F13A1: variants seen among roughly 807,000 people sequenced by gnomAD.
The protein encoded by F13A1 is FSF, A subunit.
In F13A1, 47 loss-of-function variants were observed where a neutral mutation model predicts 80.1. That is an observed-to-expected ratio of 0.59 (90% CI 0.46 to 0.75). The LOEUF (loss-of-function observed/expected upper bound fraction) is 0.75. Ranked by LOEUF, F13A1 falls within the 30% of genes least tolerant of loss-of-function variation. F13A1 has a pLI of 0.00. For missense variants in F13A1, 817 were observed against 930.4 expected, an observed-to-expected ratio of 0.88 and a Z score of 1.59; for synonymous variants, 349 against 344.9, an observed-to-expected ratio of 1.01 and a Z score of -0.13.
At chr6:6,212,031 C>T (rs146820319) in intron 8 of F13A1, among the ~76,000 whole-genome samples, 19,156 of 152,240 alleles carry the variant, frequency 0.13, 1,615 homozygotes, top group Non-Finnish European at 0.19. Flanking sequence ...GGGTCCTATG[C>T]CCACGGAGTC....
chr6:6,171,171 T>C (rs1254027154), intron 12 of F13A1, among the ~76,000 whole-genome samples: 1 of 152,206 alleles, frequency 6.6e-6, no homozygotes, highest in Non-Finnish European at 1.5e-5. Context: ...TAAGGATCTG[T>C]GCTAGACTCC....
At chr6:6,211,269 A>G (rs1391932602) in intron 8 of F13A1, among the ~76,000 whole-genome samples, 1 of 152,238 alleles carries the variant, frequency 6.6e-6, no homozygotes, top group Admixed American at 6.5e-5. Context: ...GAAGGTGGCA[A>G]ATAATGTTTT....
At chr6:6,240,021 C>T (rs1205226829) in intron 6 of F13A1, among the ~76,000 whole-genome samples, 1 of 152,010 alleles carries the variant, frequency 6.6e-6, no homozygotes, top group Non-Finnish European at 1.5e-5. Context: ...GGATGCTGGC[C>T]CCAGGAGACC....
chr6:6,174,326 G>A (rs1760835474), intron 12 of F13A1, among the ~76,000 whole-genome samples: 1 of 152,226 alleles, frequency 6.6e-6, no homozygotes, highest in East Asian at 1.9e-4. Context: ...GGAGGCAAAG[G>A]TTGCAGTGAA....
Position 6,266,476 on chromosome 6 carries a change from AGCT to A in F13A1, c.571+79_571+81del. On this transcript the variant is annotated intron_variant, in intron 4 of 14. Coordinates refer to ENST00000264870, the MANE Select transcript of F13A1 (RefSeq NM_000129.4). ...ATCCTCCCATCTTGGCCTCCCAAAG[AGCT>A]GGGAGTATAGGCATGTGCCATGGCA... 1.9e-6 allele frequency: 3 copies of A among 1,602,554 alleles called. No individual in the cohort carries two copies. The Admixed American group carries it at 5.0e-5, about 27-fold the overall frequency.
chr6:6,186,311 G>C (rs1470134640), intron 10 of F13A1, among the ~76,000 whole-genome samples: 1 of 152,010 alleles, frequency 6.6e-6, no homozygotes, highest in Non-Finnish European at 1.5e-5. Flanking sequence ...CCTATGTCCT[G>C]AATGGTAATG....
At chr6:6,224,067 G>C (rs1457396041) in intron 7 of F13A1, among the ~76,000 whole-genome samples, 1 of 152,174 alleles carries the variant, frequency 6.6e-6, no homozygotes, top group Non-Finnish European at 1.5e-5. Flanking sequence ...GTTCTCATAT[G>C]CTTTCCTCTA....
At chr6:6,147,798 A>G (rs1760311963) in intron 14 of F13A1, among the ~76,000 whole-genome samples, 2 of 152,270 alleles carry the variant, frequency 1.3e-5, no homozygotes, top group Admixed American at 1.3e-4. Flanking sequence ...ATACATGAAG[A>G]TACGTATGCA....
chr6:6,289,452 G>A (rs530351972), intron 3 of F13A1, among the ~76,000 whole-genome samples: 78 of 144,472 alleles, frequency 5.4e-4, no homozygotes, highest in African/African-American at 1.7e-3. Flanking sequence ...ACACACACAC[G>A]CACACACACA....
chr6:6,278,646 G>C (rs774661927), intron 3 of F13A1, among the ~76,000 whole-genome samples: 1 of 151,782 alleles, frequency 6.6e-6, no homozygotes, highest in Non-Finnish European at 1.5e-5. Context: ...GGGAGATGAG[G>C]TGCCTGAACA....
chr6:6,212,347 G>T (rs913966122), intron 8 of F13A1, among the ~76,000 whole-genome samples: 2 of 151,608 alleles, frequency 1.3e-5, no homozygotes, highest in African/African-American at 4.8e-5. Flanking sequence ...GGGGCAGACT[G>T]CCTCCTCAAG....
At chr6:6,169,667 G>T (rs997859295) in intron 12 of F13A1, among the ~76,000 whole-genome samples, 6 of 152,282 alleles carry the variant, frequency 3.9e-5, no homozygotes, top group Admixed American at 1.3e-4. Flanking sequence ...TGTCACAACT[G>T]GGGTGGAGGG....
At position 6,318,704 on chromosome 6, in the gene F13A1, A is replaced by G. The variant is rs192315737; in HGVS notation, c.-18-22T>C. 43 of 1,530,816 alleles carry G rather than the reference A, an allele frequency of 2.8e-5. No individual in the cohort carries two copies. The African/African-American group carries it at 4.5e-4, about 16-fold the overall frequency. 94.8% of individuals were successfully genotyped at this position (1,530,816 alleles called of 1,614,324 possible). A position where few individuals can be genotyped will look rare whatever the true frequency, so the allele number is the denominator to read the frequency against. On this transcript the variant is annotated intron_variant, in intron 1 of 14. Transcript: ENST00000264870. ...GGTCCTTCAGAAAAAAAAAAAAAAGAAGACAACAGAAAAGGCATGTAAAGT... is the reference window on the plus strand; with the variant it reads ...GGTCCTTCAGAAAAAAAAAAAAAAGGAGACAACAGAAAAGGCATGTAAAGT...
chr6:6,235,397 A>T (rs1180203762), intron 6 of F13A1, among the ~76,000 whole-genome samples: 4 of 152,032 alleles, frequency 2.6e-5, no homozygotes, highest in Non-Finnish European at 5.9e-5. Context: ...TAAAAAGAAA[A>T]AACTTGTATC....
intron 6 of F13A1, among the ~76,000 whole-genome samples, chr6:6,228,576 A>T (rs981796117): frequency 4.6e-5 from 7 of 152,040 alleles, no homozygotes; most frequent in Non-Finnish European, 8.8e-5. Flanking sequence ...TCTACTAAAA[A>T]TACAAAAACT....
intron 3 of F13A1, among the ~76,000 whole-genome samples, chr6:6,277,388 A>G (rs969890147): frequency 1.3e-5 from 2 of 150,958 alleles, no homozygotes; most frequent in African/African-American, 2.4e-5. Flanking sequence ...CACTGTGGCA[A>G]TAAAATATAT....
intron 3 of F13A1, among the ~76,000 whole-genome samples, chr6:6,290,857 A>G (rs1020168321): frequency 1.1e-4 from 17 of 152,254 alleles, no homozygotes; most frequent in Non-Finnish European, 1.5e-5. Flanking sequence ...AAAATGCAGC[A>G]CAAAATAGTT....
At chr6:6,285,651 G>A (rs1278570904) in intron 3 of F13A1, among the ~76,000 whole-genome samples, 1 of 152,212 alleles carries the variant, frequency 6.6e-6, no homozygotes, top group South Asian at 2.1e-4. Context: ...TAGGTACCTA[G>A]TCAGGCATGA....
intron 13 of F13A1, 87 bp downstream of exon 13, chr6:6,167,371 C>T (rs1760694178): frequency 2.3e-6 from 3 of 1,319,290 alleles, no homozygotes; most frequent in African/African-American, 1.5e-5. Context: ...TTCACACACA[C>T]ACACACATAC....
Sources: gnomAD v4.1 joint callset for allele counts (sites outside exome capture counted in the v4.1 genomes callset) on GRCh38, gnomAD v4.1.1 for gene constraint, MANE v1.5 for transcripts, NCBI Gene and HGNC (gene_info 2026-07-23, HGNC 2026-07-21) for gene names.